Variants in SIAH3 observed in about 807,000 individuals in gnomAD.
The protein encoded by SIAH3 is siah E3 ubiquitin protein ligase family member 3, also known as seven in absentia homolog 3.
SIAH3 carries 9 observed loss-of-function variants against 12.6 expected under a neutral mutation model. The ratio of observed to expected loss-of-function variants is 0.72; its 90% CI spans 0.43 to 1.25. SIAH3 has a LOEUF of 1.25. Ranked by LOEUF, SIAH3 falls within the 50% of genes most tolerant of loss-of-function variation. The probability of loss-of-function intolerance (pLI) is 0.00; values close to 1 mark genes in which losing one functional copy is unlikely to be tolerated. For synonymous variants in SIAH3, 154 were observed against 151.1 expected (o/e 1.02, Z -0.14); for missense variants, 390 against 365.4 (o/e 1.07, Z -0.55).
chr13:45,816,078 C>G (rs562408104), intron 1 of SIAH3, among the ~76,000 whole-genome samples: 1 of 152,208 alleles, frequency 6.6e-6, no homozygotes, highest in Non-Finnish European at 1.5e-5. Flanking sequence ...CATGCTCAGG[C>G]GCACACAGGC....
intron 1 of SIAH3, among the ~76,000 whole-genome samples, chr13:45,814,388 C>A (rs58047337): frequency 2.0e-5 from 3 of 152,054 alleles, no homozygotes; most frequent in Non-Finnish European, 4.4e-5. Context: ...AAAAGTGCCA[C>A]GGTGTGGGGT....
intron 1 of SIAH3, among the ~76,000 whole-genome samples, chr13:45,785,564 A>G (rs1467872394): frequency 6.6e-6 from 1 of 152,224 alleles, no homozygotes; most frequent in African/African-American, 2.4e-5. Context: ...TGCACGCAAT[A>G]CACATGCATG....
chr13:45,804,963 AACACAC>A (rs56315825), intron 1 of SIAH3, among the ~76,000 whole-genome samples: 7,027 of 135,846 alleles, frequency 0.052, 438 homozygotes, highest in African/African-American at 0.15. Flanking sequence ...TCCCATTTAT[AACACAC>A]ACACACACAC....
chr13:45,816,639 C>T (rs931602290), intron 1 of SIAH3, among the ~76,000 whole-genome samples: 2 of 152,196 alleles, frequency 1.3e-5, no homozygotes, highest in Non-Finnish European at 2.9e-5. Flanking sequence ...TGCACCTTGG[C>T]CGCCTTGCTG....
chr13:45,796,473 GAGTC>G (rs1437164881), intron 1 of SIAH3, among the ~76,000 whole-genome samples: 2 of 152,198 alleles, frequency 1.3e-5, no homozygotes, highest in Non-Finnish European at 2.9e-5. Flanking sequence ...ATGGGGATGA[GAGTC>G]AGATCAGGGA....
chr13:45,793,827 C>T (rs939773213), intron 1 of SIAH3, among the ~76,000 whole-genome samples: 4 of 152,188 alleles, frequency 2.6e-5, no homozygotes, highest in African/African-American at 4.8e-5. Flanking sequence ...ATCTTACTTG[C>T]GAAAATTGTC....
intron 1 of SIAH3, among the ~76,000 whole-genome samples, chr13:45,802,004 G>T (rs779351496): frequency 2.0e-5 from 3 of 152,182 alleles, no homozygotes. Context: ...AAAGACTGTT[G>T]CAGAGTAAGA....
intron 1 of SIAH3, among the ~76,000 whole-genome samples, chr13:45,804,116 T>A (rs983154115): frequency 6.6e-6 from 1 of 152,130 alleles, no homozygotes; most frequent in Non-Finnish European, 1.5e-5. Flanking sequence ...ACTTTTAATT[T>A]AAAAGTTAAC....
At chr13:45,813,068 G>A (rs950810860) in intron 1 of SIAH3, among the ~76,000 whole-genome samples, 3 of 152,218 alleles carry the variant, frequency 2.0e-5, no homozygotes, top group African/African-American at 7.2e-5. Context: ...CACTTAGAAG[G>A]CGATTGCCTG....
chr13:45,798,161 T>C (rs1950569465), intron 1 of SIAH3, among the ~76,000 whole-genome samples: 1 of 152,270 alleles, frequency 6.6e-6, no homozygotes, highest in Non-Finnish European at 1.5e-5. Context: ...TTTTTATGGC[T>C]ACTCGTAATT....
intron 1 of SIAH3, among the ~76,000 whole-genome samples, chr13:45,849,454 C>T (rs1281107000): frequency 3.3e-5 from 5 of 152,144 alleles, no homozygotes; most frequent in Admixed American, 2.6e-4. Context: ...CAATAACATA[C>T]ATTATTTTTA....
chr13:45,797,327 G>T (rs960993498), intron 1 of SIAH3, among the ~76,000 whole-genome samples: 1 of 152,082 alleles, frequency 6.6e-6, no homozygotes, highest in African/African-American at 2.4e-5. Flanking sequence ...GGCCAGGATT[G>T]CTCCAGCCTG....
chr13:45,845,629 C>G (rs1950756710), intron 1 of SIAH3, among the ~76,000 whole-genome samples: 1 of 152,014 alleles, frequency 6.6e-6, no homozygotes, highest in African/African-American at 2.4e-5. Flanking sequence ...ACTATTGCCT[C>G]TTTTATTGTG....
At chr13:45,835,973 T>C (rs929204593) in intron 1 of SIAH3, among the ~76,000 whole-genome samples, 4 of 152,216 alleles carry the variant, frequency 2.6e-5, no homozygotes, top group African/African-American at 9.6e-5. Flanking sequence ...GCCTTTTATT[T>C]ATTAATTAGA....
chr13:45,839,668 T>C (rs1950732853), intron 1 of SIAH3, among the ~76,000 whole-genome samples: 1 of 151,686 alleles, frequency 6.6e-6, no homozygotes, highest in Non-Finnish European at 1.5e-5. Flanking sequence ...CCATCTCTAC[T>C]AAAAATACAA....
At chr13:45,785,808 T>A (rs1240634089) in intron 1 of SIAH3, among the ~76,000 whole-genome samples, 1 of 152,140 alleles carries the variant, frequency 6.6e-6, no homozygotes, top group East Asian at 1.9e-4. Flanking sequence ...CTGTCCTCCA[T>A]CCTGCAACCC....
rs191896963 is a variant in SIAH3 at position 45,795,654 on chromosome 13, C to G, written c.136-11597G>C. On this transcript the variant is annotated intron_variant, in intron 1 of 1. Transcript: ENST00000400405. ...CCAGGAGTCTCGTGTCTTCTACCAGCATCCATGAAACTGTGGCAGGTCACC... is the reference window on the plus strand; with the variant it reads ...CCAGGAGTCTCGTGTCTTCTACCAGGATCCATGAAACTGTGGCAGGTCACC... Among the ~76,000 whole-genome samples, 215 of 152,298 alleles carry G rather than the reference C, an allele frequency of 1.4e-3. 1 individual carries two copies. The highest frequency in any genetic ancestry group is 4.8e-3 in the African/African-American group (199 of 41,564).
In SIAH3 at chr13:45,809,823, A is replaced by G. The variant is rs114011922; in HGVS notation, c.136-25766T>C. Among the ~76,000 whole-genome samples, 358 of 152,332 alleles carry G rather than the reference A, an allele frequency of 2.4e-3. 1 individual carries two copies. Among genetic ancestry groups the G allele is most frequent in the African/African-American group, 8.1e-3 (335 of 41,582 alleles). ...CTTTCCATATTTTACAGATGTCTGT[A>G]CAGAATAAATACTACTTTTATAATT... On this transcript the variant is annotated intron_variant, in intron 1 of 1. Coordinates refer to ENST00000400405, the MANE Select transcript of SIAH3 (RefSeq NM_198849.3).
At chr13:45,841,032 A>G (rs1264440630) in intron 1 of SIAH3, among the ~76,000 whole-genome samples, 1 of 152,158 alleles carries the variant, frequency 6.6e-6, no homozygotes, top group Non-Finnish European at 1.5e-5. Context: ...TGTTACTATC[A>G]TTATTGTTTT....
Sources: gnomAD v4.1 joint callset for allele counts (sites outside exome capture counted in the v4.1 genomes callset) on GRCh38, gnomAD v4.1.1 for gene constraint, MANE v1.5 for transcripts, NCBI Gene and HGNC (gene_info 2026-07-23, HGNC 2026-07-21) for gene names.